SH3TC1: variants seen among roughly 807,000 people sequenced by gnomAD.
SH3TC1 encodes SH3 domain and tetratricopeptide repeats 1.
SH3TC1 carries 135 observed loss-of-function variants against 117.3 expected under a neutral mutation model. The observed-to-expected ratio is 1.15, with a 90% confidence interval of 1.00 to 1.33. SH3TC1 has a LOEUF of 1.33. Ranked by LOEUF, SH3TC1 falls within the 40% of genes most tolerant of loss-of-function variation. The pLI is 0.00. For synonymous variants in SH3TC1, 898 were observed against 816.9 expected (o/e 1.10, Z -1.69); for missense variants, 2,092 against 1,794.3 (o/e 1.17, Z -3.00).
intron 1 of SH3TC1, among the ~76,000 whole-genome samples, chr4:8,203,277 C>CAT (rs1554131841): frequency 8.0e-5 from 12 of 150,066 alleles, no homozygotes; most frequent in Admixed American, 2.7e-4. Flanking sequence ...TGTGCGGGTG[C>CAT]GTGTGTGTGT....
At chr4:8,212,590 A>C (rs1174519712) in intron 3 of SH3TC1, 111 bp from the exon 4 acceptor site, 104 of 1,474,856 alleles carry the variant, frequency 7.1e-5, no homozygotes, top group Non-Finnish European at 1.6e-5. Context: ...CTCACTGCCC[A>C]GGCCTTCGGG....
rs1206775850 is a variant in SH3TC1 at position 8,205,484 on chromosome 4, T to C, written c.172+118T>C. ...CCTCCAGGCCTCTTGGGGCTGGGGC[T>C]GGAGTCTGCTCTCCATCACTTCTCG... On this transcript the variant is annotated intron_variant, in intron 2 of 17. Coordinates refer to ENST00000245105, the MANE Select transcript of SH3TC1 (RefSeq NM_018986.5). This position sits in a 1 kb window ranked among gnomAD's most constrained non-coding sequence, Gnocchi z 5.4. 1 of 1,172,018 alleles carries C rather than the reference T, an allele frequency of 8.5e-7. No homozygotes were observed. The highest frequency in any genetic ancestry group is 1.2e-6 in the Non-Finnish European group (1 of 830,750). The allele number at this position is 1,172,018 out of a possible 1,614,324, so 72.6% of individuals were successfully genotyped here. A position where few individuals can be genotyped will look rare whatever the true frequency, so the allele number is the denominator to read the frequency against.
intron 8 of SH3TC1, 88 bp downstream of exon 8, chr4:8,218,435 C>T (rs1719537449): frequency 1.1e-6 from 1 of 933,426 alleles, no homozygotes; most frequent in East Asian, 2.5e-5. Flanking sequence ...CTACATCCTC[C>T]CTGAGCCAGA....
chr4:8,235,045 A>C (rs1721681031), intron 14 of SH3TC1, among the ~76,000 whole-genome samples: 1 of 152,202 alleles, frequency 6.6e-6, no homozygotes. Context: ...GGACCAGCCC[A>C]CCCACAAACA....
At chr4:8,224,917 G>A in intron 10 of SH3TC1, 2 of 492,230 alleles carry the variant, frequency 4.1e-6, no homozygotes, top group Non-Finnish European at 7.2e-6. Context: ...GAATTCTCTG[G>A]CCCATTGGCT....
In SH3TC1 at chr4:8,237,421, GCCTGCCCCGGGGAGCCACGTCCTCACA is replaced by G. The variant is rs1408655969; in HGVS notation, c.3557-44_3557-18del. The G allele has an allele frequency of 5.6e-6, 8 of 1,436,654 alleles. No individual in the cohort carries two copies. The Admixed American group carries it at 7.5e-5, about 14-fold the overall frequency. 89.0% of individuals were successfully genotyped at this position (1,436,654 alleles called of 1,614,324 possible). The stretch of plus-strand genomic sequence containing the variant: ...AGCCAGGTGCTGCCGGGGTCTGCAT[GCCTGCCCCGGGGAGCCACGTCCTCACA>G]CCTGCCCCCTTGGCCTGCACCCCAG... On this transcript the variant is annotated intron_variant, in intron 16 of 17. Coordinates refer to ENST00000245105, the MANE Select transcript of SH3TC1 (RefSeq NM_018986.5).
At chr4:8,240,334 G>A (rs1722218663) in intron 17 of SH3TC1, among the ~76,000 whole-genome samples, 1 of 152,214 alleles carries the variant, frequency 6.6e-6, no homozygotes, top group South Asian at 2.1e-4. Context: ...AGGGAAGCCT[G>A]GGTCACTCAA....
rs1287070831 is a variant in SH3TC1 at position 8,205,528 on chromosome 4, G to T, written c.172+162G>T. On this transcript the variant is annotated intron_variant, in intron 2 of 17. Coordinates refer to ENST00000245105, the MANE Select transcript of SH3TC1 (RefSeq NM_018986.5). This position sits in a 1 kb window ranked among gnomAD's most constrained non-coding sequence, Gnocchi z 5.4. The stretch of plus-strand genomic sequence containing the variant: ...CTTCTCGTTTCCTTCCCCCGCGTGT[G>T]TTTAACAGGAGCCACTGTGCCCGCT... 1.9e-6 allele frequency: 2 copies of T among 1,030,618 alleles called. No homozygotes were observed. Among genetic ancestry groups the T allele is most frequent in the Non-Finnish European group, 3.0e-6 (2 of 657,980 alleles). The allele number at this position is 1,030,618 out of a possible 1,614,324, so 63.8% of individuals were successfully genotyped here.
chr4:8,193,859 A>G (rs566775225), intron 1 of SH3TC1, among the ~76,000 whole-genome samples: 6 of 152,338 alleles, frequency 3.9e-5, no homozygotes, highest in Non-Finnish European at 5.9e-5. Flanking sequence ...GCAGGTCCGG[A>G]TCACCTTCTG....
chr4:8,229,603 G>A (rs937978799), intron 12 of SH3TC1, among the ~76,000 whole-genome samples: 1 of 151,906 alleles, frequency 6.6e-6, no homozygotes, highest in African/African-American at 2.4e-5. Context: ...GTTGGGTGCT[G>A]GATGGTGAGA....
chr4:8,188,426 G>A (rs1187454847), intron 1 of SH3TC1, among the ~76,000 whole-genome samples: 7 of 152,240 alleles, frequency 4.6e-5, no homozygotes, highest in African/African-American at 1.7e-4. Flanking sequence ...GCTCTCCTTT[G>A]TGGGACCCCT....
chr4:8,219,427 G>T lies in SH3TC1; in HGVS notation c.1009G>T (p.Ala337Ser). The T allele has an allele frequency of 3.1e-6, 5 of 1,611,760 alleles. No individual in the cohort carries two copies. Among genetic ancestry groups the T allele is most frequent in the Non-Finnish European group, 4.2e-6 (5 of 1,178,924 alleles). The change falls in exon 9 of 18, where the codon GCG (alanine) becomes TCG (serine). Residue 337 changes from alanine (A) to serine (S), a missense_variant. Transcript: ENST00000245105. ...TGGCGACCTCATCGAGATCCTTGGG[G>T]CGCAGGTGCCCAGCCTGCCCTGGTG... ...RGGDLIEILG[A>S]QVPSLPWCVG...
At chr4:8,208,641 C>T (rs916399095) in intron 2 of SH3TC1, among the ~76,000 whole-genome samples, 1 of 152,246 alleles carries the variant, frequency 6.6e-6, no homozygotes, top group Non-Finnish European at 1.5e-5. Flanking sequence ...GCGTGAGCCA[C>T]TGCGCCCGGC....
Position 8,209,907 on chromosome 4 carries a change from C to A in SH3TC1, c.247+85C>A. 7.3e-7 allele frequency: 1 copy of A among 1,365,910 alleles called. No homozygotes were observed. Among genetic ancestry groups the A allele is most frequent in the Non-Finnish European group, 1.0e-6 (1 of 989,332 alleles). 84.6% of individuals were successfully genotyped at this position (1,365,910 alleles called of 1,614,324 possible). ...GGGCATCCAAGAGTCCAACCCAGGG[C>A]TTCTCAAAGTGTGGCCTCAGACTTC... On this transcript the variant is annotated intron_variant, in intron 3 of 17. Transcript: ENST00000245105. The surrounding 1 kb of genome is among the most constrained non-coding windows in gnomAD (Gnocchi z 5.9).
At chr4:8,231,704 G>A in intron 12 of SH3TC1, 1 of 500,816 alleles carries the variant, frequency 2.0e-6, no homozygotes, top group Non-Finnish European at 3.5e-6. Flanking sequence ...GTCCTGGCCA[G>A]AGGGGCTTTG....
At position 8,235,502 on chromosome 4, in the gene SH3TC1, G is replaced by A. The variant is rs745712110; in HGVS notation, c.3352G>A (p.Asp1118Asn). ...GCTGGAGCTGTTTGAGGCGGCTGGA[G>A]ACATCTTCTTCGACGGGGCCTGGGA... Reference protein sequence around the residue: ...LGLELFEAAGDIFFDGAWERE... With the variant: ...LGLELFEAAGNIFFDGAWERE... The change falls in exon 15 of 18, where the codon GAC becomes AAC. Residue 1118 changes from aspartate to asparagine, a missense_variant. Asp to Asn is a conservative substitution (Grantham distance 23, BLOSUM62 1). Transcript: ENST00000245105. The A allele has an allele frequency of 6.8e-6, 11 of 1,607,276 alleles. No individual in the cohort carries two copies. Among genetic ancestry groups the A allele is most frequent in the Admixed American group, 1.7e-5 (1 of 59,350 alleles).
intron 2 of SH3TC1, among the ~76,000 whole-genome samples, chr4:8,207,096 A>AG (rs1718275942): frequency 7.4e-6 from 1 of 135,824 alleles, no homozygotes; most frequent in Non-Finnish European, 1.6e-5. Flanking sequence ...AAAAAAAAAA[A>AG]ATTCCTGGGT....
intron 1 of SH3TC1, among the ~76,000 whole-genome samples, chr4:8,203,800 T>C (rs1717991858): frequency 6.6e-6 from 1 of 152,134 alleles, no homozygotes; most frequent in Non-Finnish European, 1.5e-5. Flanking sequence ...CAGGGCCTCC[T>C]GCCTCCCCTT....
At position 8,228,504 on chromosome 4, in the gene SH3TC1, C is replaced by T; in HGVS notation, c.2810C>T (p.Pro937Leu). 6.2e-7 allele frequency: 1 copy of T among 1,611,608 alleles called. No homozygotes were observed. Among genetic ancestry groups the T allele is most frequent in the Non-Finnish European group, 8.5e-7 (1 of 1,179,578 alleles). ...GCCGTGCGGCTGTTCTCGAGGCTGCCCCTTGGGGAGTGTGGCCGGGACTTC... is the reference window on the plus strand; with the variant it reads ...GCCGTGCGGCTGTTCTCGAGGCTGCTCCTTGGGGAGTGTGGCCGGGACTTC... ...LEAVRLFSRL[P>L]LGECGRDFTH... Residue 937 changes from proline (P) to leucine (L), a missense_variant, in exon 12 of 18, where the codon CCC becomes CTC. Transcript: ENST00000245105.
Sources: allele counts gnomAD v4.1 joint callset (sites outside exome capture counted in the v4.1 genomes callset), GRCh38; gene constraint gnomAD v4.1.1; non-coding constraint Gnocchi (gnomAD v3.1); transcripts MANE v1.5; gene names NCBI Gene and HGNC (gene_info 2026-07-23, HGNC 2026-07-21).